The following PHF14 variants were observed in gnomAD, a reference collection of about 807,000 sequenced individuals.
PHF14 encodes the protein PHD finger protein 14.
A neutral mutation model predicts 117.9 loss-of-function variants in PHF14; 55 were observed. That is an observed-to-expected ratio of 0.47 (90% CI 0.38 to 0.58). The LOEUF (loss-of-function observed/expected upper bound fraction) is 0.58. Among genes scored for constraint, PHF14 ranks in the 20% least tolerant of loss-of-function variants. The pLI, the probability that PHF14 is intolerant of heterozygous loss-of-function variation, is 0.00. For missense variants in PHF14, 978 were observed against 1,122.2 expected (o/e 0.87, Z 1.84); for synonymous variants, 409 against 368.6 (o/e 1.11, Z -1.26).
intron 16 of PHF14, 57 bp from the exon 17 acceptor site, chr7:11,111,293 G>A: frequency 1.3e-6 from 1 of 787,282 alleles, no homozygotes; most frequent in Non-Finnish European, 2.1e-6. Context: ...TTTTCATGAA[G>A]TAGATGGTTT....
chr7:10,983,499 G>T (rs1030397530), intron 3 of PHF14, among the ~76,000 whole-genome samples: 3 of 152,150 alleles, frequency 2.0e-5, no homozygotes, highest in Admixed American at 2.0e-4. Context: ...ATGGTGCTGA[G>T]TGCATTATGA....
At chr7:11,118,061 TAC>T (rs1463551735) in intron 17 of PHF14, among the ~76,000 whole-genome samples, 2 of 151,810 alleles carry the variant, frequency 1.3e-5, no homozygotes, top group African/African-American at 4.8e-5. Context: ...TACAAAAGCT[TAC>T]AAAAATGTGC....
At chr7:11,019,364 A>G (rs1362937881) in intron 5 of PHF14, among the ~76,000 whole-genome samples, 1 of 152,056 alleles carries the variant, frequency 6.6e-6, no homozygotes, top group South Asian at 2.1e-4. Context: ...CATCAGGTCA[A>G]GCAGTCCCAG....
chr7:11,112,720 G>A (rs368431765), intron 17 of PHF14, among the ~76,000 whole-genome samples: 32 of 151,690 alleles, frequency 2.1e-4, no homozygotes, highest in African/African-American at 7.7e-4. Context: ...GCAGTGAACC[G>A]AGATCACGCC....
intron 4 of PHF14, among the ~76,000 whole-genome samples, chr7:11,013,055 C>G (rs1335247904): frequency 2.6e-5 from 4 of 152,080 alleles, no homozygotes; most frequent in Non-Finnish European, 5.9e-5. Context: ...TGAGTTTGAT[C>G]TTTTATATAT....
chr7:10,995,023 G>A (rs1384363425), intron 4 of PHF14, among the ~76,000 whole-genome samples: 1 of 152,108 alleles, frequency 6.6e-6, no homozygotes, highest in Non-Finnish European at 1.5e-5. Context: ...GTTTTGACAG[G>A]GTGCTGATTG....
intron 6 of PHF14, among the ~76,000 whole-genome samples, chr7:11,024,303 A>G (rs915102049): frequency 3.9e-5 from 6 of 152,226 alleles, no homozygotes; most frequent in African/African-American, 1.4e-4. Flanking sequence ...TCTCCGTAAT[A>G]TAAAAGATGA....
intron 16 of PHF14, chr7:11,110,473 A>T: frequency 3.4e-6 from 3 of 883,340 alleles, no homozygotes; most frequent in African/African-American, 1.8e-5. Flanking sequence ...CTGATGCAAA[A>T]TTCTTTTTAC....
intron 17 of PHF14, among the ~76,000 whole-genome samples, chr7:11,116,921 G>A (rs1043246428): frequency 6.6e-6 from 1 of 151,786 alleles, no homozygotes; most frequent in African/African-American, 2.4e-5. Flanking sequence ...ATTGTATATT[G>A]CCATATAAGA....
chr7:11,027,811 T>C (rs555669810), intron 6 of PHF14, among the ~76,000 whole-genome samples: 24 of 152,242 alleles, frequency 1.6e-4, no homozygotes, highest in Non-Finnish European at 2.5e-4. Context: ...AGCAATTTTA[T>C]ATTGTTTAAG....
Position 11,061,743 on chromosome 7 carries a change from A to T in PHF14, c.2482-48A>T, listed in dbSNP as rs1406721184. ...ATATTTATTATTAATTAAACATTAG[A>T]TATACTGTGGATTTTTGTTTTTTGT... On this transcript the variant is annotated intron_variant, in intron 14 of 17. Coordinates refer to ENST00000634607, the MANE Select transcript of PHF14 (RefSeq NM_001007157.2). The T allele has an allele frequency of 3.0e-6, 4 of 1,349,986 alleles. No individual in the cohort carries two copies. In the South Asian group the frequency reaches 6.0e-5, roughly 20 times the overall value. 83.6% of individuals were successfully genotyped at this position (1,349,986 alleles called of 1,614,324 possible). A position where few individuals can be genotyped will look rare whatever the true frequency, so the allele number is the denominator to read the frequency against.
intron 16 of PHF14, 96 bp downstream of exon 16, chr7:11,062,181 C>T: frequency 9.7e-7 from 1 of 1,031,494 alleles, no homozygotes; most frequent in Non-Finnish European, 1.4e-6. Context: ...CAGGATAAGA[C>T]CTTTCTTAAA....
At chr7:11,135,921 A>G (rs1447290480) in intron 17 of PHF14, among the ~76,000 whole-genome samples, 2 of 152,336 alleles carry the variant, frequency 1.3e-5, no homozygotes, top group African/African-American at 4.8e-5. Flanking sequence ...TGACCAAGGT[A>G]AAGGATGATG....
At chr7:11,107,143 G>C in intron 16 of PHF14, 1 of 984,444 alleles carries the variant, frequency 1.0e-6, no homozygotes, top group South Asian at 4.7e-5. Context: ...TTGGAATACT[G>C]ACTTTTGGCC....
chr7:11,013,058 T>TTA (rs1055370353), intron 4 of PHF14, among the ~76,000 whole-genome samples: 1 of 152,178 alleles, frequency 6.6e-6, no homozygotes, highest in Non-Finnish European at 1.5e-5. Context: ...GTTTGATCTT[T>TTA]TATATATATA....
chr7:11,078,387 A>G (rs1309193294), intron 16 of PHF14, among the ~76,000 whole-genome samples: 1 of 152,176 alleles, frequency 6.6e-6, no homozygotes, highest in Non-Finnish European at 1.5e-5. Context: ...GGGAGAGGGC[A>G]TAGAGCTAAA....
At position 11,013,926 on chromosome 7, in the gene PHF14, T is replaced by G; in HGVS notation, c.1205+20T>G. ...TGGAAGGTTAATGTCCTAATTATGT[T>G]GGTTCATATGTTTGCTTTATAATGT... On this transcript the variant is annotated intron_variant, in intron 5 of 17. Coordinates refer to ENST00000634607, the MANE Select transcript of PHF14 (RefSeq NM_001007157.2). 1.9e-6 allele frequency: 3 copies of G among 1,544,430 alleles called. No individual in the cohort carries two copies. The highest frequency in any genetic ancestry group is 2.7e-6 in the Non-Finnish European group (3 of 1,127,734).
chr7:10,988,554 T>TTTTA (rs61555147), intron 3 of PHF14, among the ~76,000 whole-genome samples: 9 of 151,086 alleles, frequency 6.0e-5, no homozygotes, highest in South Asian at 4.2e-4. Flanking sequence ...TTTTTTTTTT[T>TTTTA]AACCTAGATG....
Position 11,008,193 on chromosome 7 carries a change from CT to C in PHF14, c.1046-5553del, listed in dbSNP as rs1783193058. ...AAGGCTTACTAAGAGATGTTTCCCC[CT>C]ATTTATTTTTCAGTTTACTGTTAGC... is the stretch of plus-strand genomic sequence containing the variant. On this transcript the variant is annotated intron_variant, in intron 4 of 17. Transcript: ENST00000634607. 1.3e-5 allele frequency among the ~76,000 whole-genome samples: 2 copies of C among 152,152 alleles called. 1 individual carries two copies. Among genetic ancestry groups the C allele is most frequent in the South Asian group, 4.1e-4 (2 of 4,834 alleles).
Sources: allele counts gnomAD v4.1 joint callset (sites outside exome capture counted in the v4.1 genomes callset), GRCh38; gene constraint gnomAD v4.1.1; transcripts MANE v1.5; gene names NCBI Gene and HGNC (gene_info 2026-07-23, HGNC 2026-07-21).